MCF2L: variants seen among roughly 807,000 people sequenced by gnomAD.
MCF2L encodes MCF.2 cell line derived transforming sequence like, also known as guanine nucleotide exchange factor DBS.
Under a neutral mutation model 153.4 loss-of-function variants are expected in MCF2L, and 97 were observed. The observed-to-expected ratio is 0.63, with a 90% CI of 0.54 to 0.75. The LOEUF (loss-of-function observed/expected upper bound fraction) is 0.75, where lower values mean the gene tolerates loss of function less well. MCF2L is among the 30% of genes least tolerant of loss of function. The pLI, the probability that MCF2L is intolerant of heterozygous loss-of-function variation, is 0.00. For missense variants in MCF2L, 1,347 were observed against 1,495.2 expected, an observed-to-expected ratio of 0.90 and a Z score of 1.64; for synonymous variants, 659 against 632.2, an observed-to-expected ratio of 1.04 and a Z score of -0.64.
intron 1 of MCF2L, among the ~76,000 whole-genome samples, chr13:113,006,874 G>T (rs2083735513): frequency 6.6e-6 from 1 of 152,244 alleles, no homozygotes; most frequent in Non-Finnish European, 1.5e-5. Flanking sequence ...CAGGTCTGTG[G>T]CGGGGTGTGG....
At chr13:112,899,294 C>G (rs1253758499) in intron 1 of MCF2L, among the ~76,000 whole-genome samples, 2 of 152,226 alleles carry the variant, frequency 1.3e-5, no homozygotes, top group Admixed American at 1.3e-4. Context: ...GGCTCTCGGT[C>G]CAGCCTTCGG....
Position 113,023,307 on chromosome 13 carries a change from G to C in MCF2L, c.164-1337G>C, listed in dbSNP as rs546153541. On this transcript the variant is annotated intron_variant, in intron 2 of 29. Coordinates refer to ENST00000535094, the MANE Select transcript of MCF2L (RefSeq NM_001112732.3). ...CAGATAATGAGTCATGTCCCATTGAGGGGTGCCGACAAGGACTCGGGAGGA... is the reference window on the plus strand; with the variant it reads ...CAGATAATGAGTCATGTCCCATTGACGGGTGCCGACAAGGACTCGGGAGGA... 6.4e-4 allele frequency among the ~76,000 whole-genome samples: 97 copies of C among 152,358 alleles called. 1 individual carries two copies. In the South Asian group the frequency reaches 9.5e-3, roughly 15 times the overall value.
intron 2 of MCF2L, among the ~76,000 whole-genome samples, chr13:112,959,077 C>T (rs1482048818): frequency 3.3e-5 from 5 of 152,150 alleles, no homozygotes; most frequent in African/African-American, 9.7e-5. Flanking sequence ...AGTGGTATTG[C>T]GGATAAATGT....
chr13:113,079,444 C>T (rs1455288213), intron 15 of MCF2L, among the ~76,000 whole-genome samples: 1 of 152,148 alleles, frequency 6.6e-6, no homozygotes, highest in Non-Finnish European at 1.5e-5. Flanking sequence ...GCACTGTCTC[C>T]GTTTTTAGTA....
In MCF2L at chr13:113,010,807, T is replaced by G. The variant is rs111488754; in HGVS notation, c.80-3956T>G. Among the ~76,000 whole-genome samples the G allele has an allele frequency of 2.0e-3, 304 of 152,248 alleles. 2 individuals carry two copies. The highest frequency in any genetic ancestry group is 6.7e-3 in the African/African-American group (280 of 41,568). On this transcript the variant is annotated intron_variant, in intron 1 of 29. Coordinates refer to ENST00000535094, the MANE Select transcript of MCF2L (RefSeq NM_001112732.3). ...GCCTGGCCTGGCCTTGGGTGGCACATACGGGTCAGGGGCCCACCACCTCCC... is the reference window on the plus strand; with the variant it reads ...GCCTGGCCTGGCCTTGGGTGGCACAGACGGGTCAGGGGCCCACCACCTCCC...
intron 4 of MCF2L, among the ~76,000 whole-genome samples, chr13:113,050,193 C>T (rs1039541656): frequency 6.7e-6 from 1 of 149,920 alleles, no homozygotes; most frequent in Non-Finnish European, 1.5e-5. Flanking sequence ...TGTGTGCGAG[C>T]GAGTGGGAGT....
chr13:113,047,527 G>C (rs117067097), intron 4 of MCF2L, among the ~76,000 whole-genome samples: 6 of 152,204 alleles, frequency 3.9e-5, no homozygotes, highest in East Asian at 1.9e-4. Flanking sequence ...GCACGTCGTC[G>C]TTTAAACAAC....
At position 112,907,072 on chromosome 13, in the gene MCF2L, C is replaced by G. The variant is rs2081180249; in HGVS notation, c.169+4701C>G. Among the ~76,000 whole-genome samples the G allele has an allele frequency of 6.6e-6, 1 of 152,222 alleles. No individual in the cohort carries two copies. The highest frequency in any genetic ancestry group is 2.1e-4 in the South Asian group (1 of 4,810). ...TGTTTCTATGTCAGAAGCCTTGGAG[C>G]ATGGATGATTCCATGGCTGGACCTA... On this transcript the variant is annotated intron_variant, in intron 2 of 29. Coordinates refer to the MCF2L transcript ENST00000375608. This position sits in a 1 kb window ranked among gnomAD's most constrained non-coding sequence, Gnocchi z 5.1.
chr13:112,983,375 C>A lies in MCF2L; in HGVS notation c.79+13917C>A, dbSNP rs1255292588. On this transcript the variant is annotated intron_variant, in intron 1 of 29. Coordinates refer to ENST00000535094, the MANE Select transcript of MCF2L (RefSeq NM_001112732.3). This position sits in a 1 kb window ranked among gnomAD's most constrained non-coding sequence, Gnocchi z 4.0. ...GTGTGCCCAGTGGCACTGCGGAAAC[C>A]CAGGCCGGACCTCACAATTGCAGGA... 6.6e-6 allele frequency among the ~76,000 whole-genome samples: 1 copy of A among 152,190 alleles called. No individual in the cohort carries two copies. Among genetic ancestry groups the A allele is most frequent in the Admixed American group, 6.5e-5 (1 of 15,288 alleles).
intron 1 of MCF2L, among the ~76,000 whole-genome samples, chr13:112,994,760 A>T (rs1273281056): frequency 6.6e-6 from 1 of 152,134 alleles, no homozygotes; most frequent in Non-Finnish European, 1.5e-5. Context: ...GGCAGGACAT[A>T]TGGGCCTCCC....
chr13:112,923,831 T>A (rs1011171613), intron 2 of MCF2L, among the ~76,000 whole-genome samples: 8 of 152,300 alleles, frequency 5.3e-5, no homozygotes, highest in Non-Finnish European at 8.8e-5. Flanking sequence ...TGCATTCAGT[T>A]GTCCTGTGTT....
At chr13:113,051,001 G>T (rs747037697) in intron 4 of MCF2L, among the ~76,000 whole-genome samples, 9 of 152,040 alleles carry the variant, frequency 5.9e-5, no homozygotes, top group Non-Finnish European at 1.3e-4. Flanking sequence ...ACTGAAATGC[G>T]CGCTGCATAA....
chr13:112,974,696 G>A (rs927059587), intron 1 of MCF2L, among the ~76,000 whole-genome samples: 4 of 152,136 alleles, frequency 2.6e-5, no homozygotes, highest in South Asian at 2.1e-4. Flanking sequence ...AAGCTGGCTC[G>A]GGAGACCTGC....
intron 2 of MCF2L, among the ~76,000 whole-genome samples, chr13:112,937,907 CTCTGA>C (rs2081533552): frequency 1.4e-4 from 1 of 7,294 alleles, no homozygotes; most frequent in Admixed American, 1.7e-3. Flanking sequence ...TTCAGGTGAG[CTCTGA>C]TTGGTTGGTT....
At chr13:112,922,251 T>C (rs1433469612) in intron 2 of MCF2L, among the ~76,000 whole-genome samples, 2 of 152,216 alleles carry the variant, frequency 1.3e-5, no homozygotes, top group African/African-American at 4.8e-5. Flanking sequence ...AGCCAAAGTC[T>C]AGAATAAATG....
chr13:113,038,959 G>A (rs745712707), intron 3 of MCF2L, among the ~76,000 whole-genome samples: 8 of 152,178 alleles, frequency 5.3e-5, no homozygotes, highest in African/African-American at 1.7e-4. Flanking sequence ...CCGGGTTCAC[G>A]CCATTCTCCT....
At chr13:113,036,028 C>G (rs1477016604) in intron 3 of MCF2L, among the ~76,000 whole-genome samples, 1 of 152,114 alleles carries the variant, frequency 6.6e-6, no homozygotes, top group African/African-American at 2.4e-5. Context: ...AGGATGGCTG[C>G]AGGTCAGGAT....
rs2081361648 is a variant in MCF2L at position 112,922,385 on chromosome 13, C to T, written c.169+20014C>T. Among the ~76,000 whole-genome samples, 4 of 152,276 alleles carry T rather than the reference C, an allele frequency of 2.6e-5. No homozygotes were observed. The South Asian group carries it at 8.3e-4, about 32-fold the overall frequency. ...AACTGCTTTGTGAGGTTTTCTTTTT[C>T]TGTCCTTTAATGTCACTTTATGTAG... On this transcript the variant is annotated intron_variant, in intron 2 of 29. Coordinates refer to the MCF2L transcript ENST00000375608.
chr13:113,022,096 G>A (rs763735548), intron 2 of MCF2L, among the ~76,000 whole-genome samples: 49 of 152,132 alleles, frequency 3.2e-4, no homozygotes, highest in Non-Finnish European at 5.9e-4. Context: ...GCTCAGGCTG[G>A]CCTCTGGGGG....
Sources: allele counts gnomAD v4.1 joint callset (sites outside exome capture counted in the v4.1 genomes callset), GRCh38; gene constraint gnomAD v4.1.1; non-coding constraint Gnocchi (gnomAD v3.1); transcripts MANE v1.5; gene names NCBI Gene and HGNC (gene_info 2026-07-23, HGNC 2026-07-21).